Variants in ZRANB3 observed in about 807,000 individuals in gnomAD.
ZRANB3 encodes DNA annealing helicase and endonuclease ZRANB3.
A neutral mutation model predicts 133.8 loss-of-function variants in ZRANB3; 125 were observed. The ratio of observed to expected loss-of-function variants is 0.93; its 90% CI spans 0.81 to 1.08. The LOEUF (loss-of-function observed/expected upper bound fraction) is 1.08. Ranked by LOEUF, ZRANB3 falls within the 50% of genes least tolerant of loss-of-function variation. The pLI is 0.00. For synonymous variants in ZRANB3, 387 were observed against 432.7 expected (o/e 0.89, Z 1.31); for missense variants, 1,229 against 1,275.5 (o/e 0.96, Z 0.56).
In ZRANB3 at chr2:135,199,734, C is replaced by G. The variant is rs1251903932; in HGVS notation, c.*608G>C. 3 of 152,326 alleles carry G rather than the reference C, an allele frequency of 2.0e-5. No individual in the cohort carries two copies. The highest frequency in any genetic ancestry group is 7.2e-5 in the African/African-American group (3 of 41,444). 9.4% of individuals were successfully genotyped at this position (152,326 alleles called of 1,614,324 possible). On this transcript the variant is annotated 3_prime_UTR_variant, in exon 21 of 21. Transcript: ENST00000264159. ...TTACACAGAACCCCCAAATTGTCCA[C>G]AAACACCATAGGTACCTCATTTTGA...
intron 2 of ZRANB3, among the ~76,000 whole-genome samples, chr2:135,421,982 C>A (rs1412922084): frequency 6.7e-6 from 1 of 149,802 alleles, no homozygotes; most frequent in African/African-American, 2.5e-5. Flanking sequence ...CACATGAGAA[C>A]CCTATTTATT....
intron 6 of ZRANB3, among the ~76,000 whole-genome samples, chr2:135,324,579 T>A (rs1045470707): frequency 2.0e-5 from 3 of 152,222 alleles, no homozygotes; most frequent in Admixed American, 6.5e-5. Flanking sequence ...TTATTTATAA[T>A]CCTTTGGGTA....
intron 2 of ZRANB3, among the ~76,000 whole-genome samples, chr2:135,503,289 G>A (rs1693027814): frequency 6.6e-6 from 1 of 152,182 alleles, no homozygotes; most frequent in African/African-American, 2.4e-5. Context: ...AATAATAAAA[G>A]GGACTGATGG....
chr2:135,252,385 T>G (rs1256590752), intron 12 of ZRANB3, among the ~76,000 whole-genome samples: 1 of 152,196 alleles, frequency 6.6e-6, no homozygotes, highest in Non-Finnish European at 1.5e-5. Flanking sequence ...AAGATTATTT[T>G]GTAGAAAAAA....
intron 2 of ZRANB3, among the ~76,000 whole-genome samples, chr2:135,493,818 A>C (rs1692527283): frequency 6.6e-6 from 1 of 152,200 alleles, no homozygotes; most frequent in Admixed American, 6.5e-5. Flanking sequence ...GACTCATCTA[A>C]GAATGTTAAG....
intron 3 of ZRANB3, among the ~76,000 whole-genome samples, chr2:135,384,073 T>C (rs1384168180): frequency 3.3e-5 from 5 of 152,050 alleles, no homozygotes; most frequent in African/African-American, 1.2e-4. Context: ...TTTGAAAAGA[T>C]CAACAAAATT....
At chr2:135,364,701 G>A (rs1400451817) in intron 3 of ZRANB3, among the ~76,000 whole-genome samples, 1 of 152,238 alleles carries the variant, frequency 6.6e-6, no homozygotes, top group East Asian at 1.9e-4. Flanking sequence ...GCAGTGAGCT[G>A]AGATTGCACC....
intron 12 of ZRANB3, among the ~76,000 whole-genome samples, chr2:135,242,148 A>AG (rs1178432683): frequency 6.6e-6 from 1 of 152,074 alleles, no homozygotes; most frequent in African/African-American, 2.4e-5. Flanking sequence ...TCTGAACTCC[A>AG]GCCTGGGTGA....
intron 2 of ZRANB3, among the ~76,000 whole-genome samples, chr2:135,418,652 G>C (rs112397713): frequency 7.6e-4 from 116 of 152,274 alleles, no homozygotes; most frequent in African/African-American, 2.6e-3. Context: ...ATGGATGATA[G>C]CCTCAGGAAT....
chr2:135,372,963 T>C (rs142729601), intron 3 of ZRANB3, among the ~76,000 whole-genome samples: 1 of 150,884 alleles, frequency 6.6e-6, no homozygotes, highest in East Asian at 2.0e-4. Context: ...ACACCTGTAG[T>C]CCTAGCTACT....
chr2:135,403,155 C>A (rs1231104879), intron 2 of ZRANB3, among the ~76,000 whole-genome samples: 1 of 152,160 alleles, frequency 6.6e-6, no homozygotes, highest in Non-Finnish European at 1.5e-5. Context: ...CTGGGTGAGG[C>A]ATTGCCTCAC....
At chr2:135,508,517 G>GA (rs777947826) in intron 1 of ZRANB3, among the ~76,000 whole-genome samples, 66 of 151,966 alleles carry the variant, frequency 4.3e-4, no homozygotes, top group Middle Eastern at 3.4e-3. Context: ...ACAAATAAGA[G>GA]AAAAAATTAA....
intron 2 of ZRANB3, among the ~76,000 whole-genome samples, chr2:135,460,563 G>A (rs901685235): frequency 2.6e-5 from 4 of 152,060 alleles, no homozygotes; most frequent in African/African-American, 9.7e-5. Context: ...CACCGAGCCT[G>A]GACGAAACGG....
chr2:135,420,091 T>TTATATATATATATA (rs201217358), intron 2 of ZRANB3, among the ~76,000 whole-genome samples: 1,183 of 72,166 alleles, frequency 0.016, 25 homozygotes, highest in South Asian at 0.024. Context: ...TATCTTAGAT[T>TTATATATATATATA]TATATATATA....
chr2:135,345,113 A>AG (rs1684856121), intron 6 of ZRANB3: 1 of 152,274 alleles, frequency 6.6e-6, no homozygotes, highest in East Asian at 1.9e-4. Flanking sequence ...ATAAAAACAA[A>AG]GGAAAACTTT....
At chr2:135,306,125 T>C (rs1682682575) in intron 8 of ZRANB3, among the ~76,000 whole-genome samples, 1 of 152,198 alleles carries the variant, frequency 6.6e-6, no homozygotes, top group Non-Finnish European at 1.5e-5. Context: ...CAGCTCTTGC[T>C]AGACTTGGGA....
chr2:135,254,792 C>T (rs952922392), intron 12 of ZRANB3, among the ~76,000 whole-genome samples: 1 of 151,856 alleles, frequency 6.6e-6, no homozygotes, highest in African/African-American at 2.4e-5. Context: ...GCTCTGTCGC[C>T]CAGGCTGGAG....
intron 1 of ZRANB3, among the ~76,000 whole-genome samples, chr2:135,508,986 T>G (rs903553093): frequency 6.6e-5 from 10 of 152,026 alleles, no homozygotes; most frequent in African/African-American, 2.2e-4. Context: ...ATATACTAAT[T>G]TACTTATAGC....
rs142498600 is a variant in ZRANB3, at chr2:135,454,583, C to A, written c.161+49746G>T. ...CAAAAGATGACTTTTCATCCCTCACCCCCTTCCCATCCTCCCCTTTCTGAG... is the reference window on the plus strand; with the variant it reads ...CAAAAGATGACTTTTCATCCCTCACACCCTTCCCATCCTCCCCTTTCTGAG... On this transcript the variant is annotated intron_variant, in intron 2 of 20. Coordinates refer to ENST00000264159, the MANE Select transcript of ZRANB3 (RefSeq NM_032143.4). Among the ~76,000 whole-genome samples, 59 of 152,222 alleles carry A rather than the reference C, an allele frequency of 3.9e-4. 1 individual carries two copies. The East Asian group carries it at 8.1e-3, about 21-fold the overall frequency.
Sources: allele counts gnomAD v4.1 joint callset (sites outside exome capture counted in the v4.1 genomes callset), GRCh38; gene constraint gnomAD v4.1.1; transcripts MANE v1.5; gene names NCBI Gene and HGNC (gene_info 2026-07-23, HGNC 2026-07-21).